VAV2: variants seen among roughly 807,000 people sequenced by gnomAD.
VAV2 encodes guanine nucleotide exchange factor VAV2.
Under a neutral mutation model 132.5 loss-of-function variants are expected in VAV2, and 67 were observed. The ratio of observed to expected loss-of-function variants is 0.51; its 90% CI spans 0.42 to 0.62. The LOEUF (loss-of-function observed/expected upper bound fraction) is 0.62, where lower values mean the gene tolerates loss of function less well. Among genes scored for constraint, VAV2 ranks in the 20% least tolerant of loss-of-function variants. VAV2 has a pLI of 0.00. For missense variants in VAV2, 938 were observed against 1,153.6 expected (o/e 0.81, Z 2.71); for synonymous variants, 492 against 443.5 (o/e 1.11, Z -1.37).
At chr9:133,940,695 G>A (rs1383942662) in intron 1 of VAV2, among the ~76,000 whole-genome samples, 2 of 150,942 alleles carry the variant, frequency 1.3e-5, no homozygotes, top group Non-Finnish European at 2.9e-5. Context: ...GTGTGTGTGT[G>A]TGTGTGTGTG....
At chr9:133,975,697 C>G (rs1390261796) in intron 1 of VAV2, among the ~76,000 whole-genome samples, 3 of 152,222 alleles carry the variant, frequency 2.0e-5, no homozygotes, top group Non-Finnish European at 4.4e-5. Context: ...GCTGCTCACC[C>G]AAGAACACAG....
At chr9:133,916,626 C>A (rs949628853) in intron 2 of VAV2, among the ~76,000 whole-genome samples, 8 of 151,996 alleles carry the variant, frequency 5.3e-5, no homozygotes, top group Admixed American at 1.3e-4. Context: ...AGAGAAGAGC[C>A]GGGAGTGCCT....
At chr9:133,973,220 A>T (rs1842397889) in intron 1 of VAV2, among the ~76,000 whole-genome samples, 1 of 152,168 alleles carries the variant, frequency 6.6e-6, no homozygotes, top group Non-Finnish European at 1.5e-5. Flanking sequence ...TCTGTCTGGC[A>T]TCTGGCCCGC....
At position 133,918,924 on chromosome 9, in the gene VAV2, C is replaced by T. The variant is rs1037499472; in HGVS notation, c.321+20179G>A. On this transcript the variant is annotated intron_variant, in intron 2 of 29. Transcript: ENST00000371850. This position sits in a 1 kb window ranked among gnomAD's most constrained non-coding sequence, Gnocchi z 4.7. ...CCAAGTAGCTGGGATTACAGGCGTG[C>T]ACCACCACACCAGGCTAATTTTGTA... 4.6e-5 allele frequency among the ~76,000 whole-genome samples: 7 copies of T among 152,028 alleles called. No individual in the cohort carries two copies. The highest frequency in any genetic ancestry group is 8.8e-5 in the Non-Finnish European group (6 of 67,990).
intron 2 of VAV2, among the ~76,000 whole-genome samples, chr9:133,921,651 A>C (rs1285723115): frequency 6.6e-6 from 1 of 152,226 alleles, no homozygotes; most frequent in East Asian, 1.9e-4. Context: ...ATAAGGGGTT[A>C]ATATCCACAA....
Position 133,918,407 on chromosome 9 carries a change from C to T in VAV2, c.321+20696G>A, listed in dbSNP as rs1041799959. Among the ~76,000 whole-genome samples, 7 of 151,142 alleles carry T rather than the reference C, an allele frequency of 4.6e-5. No homozygotes were observed. The East Asian group carries it at 7.8e-4, about 17-fold the overall frequency. On this transcript the variant is annotated intron_variant, in intron 2 of 29. Transcript: ENST00000371850. The surrounding 1 kb of genome is among the most constrained non-coding windows in gnomAD (Gnocchi z 4.7). ...AGCTGCTAGCCCGGGCTACCACCAC[C>T]ACCAGGAAACACTCAGAAACCCAGG...
chr9:133,830,037 G>A (rs529333073), intron 4 of VAV2, among the ~76,000 whole-genome samples: 1 of 152,290 alleles, frequency 6.6e-6, no homozygotes, highest in African/African-American at 2.4e-5. Flanking sequence ...TCGTGTGAAT[G>A]AATGAAAGCA....
At chr9:133,786,219 G>GTGTGCACC (rs1564344796) in intron 16 of VAV2, among the ~76,000 whole-genome samples, 2 of 152,220 alleles carry the variant, frequency 1.3e-5, no homozygotes, top group Non-Finnish European at 2.9e-5. Context: ...GTGTCTATGC[G>GTGTGCACC]TGTGCACCTG....
chr9:133,949,762 AG>A (rs1214415578), intron 1 of VAV2, among the ~76,000 whole-genome samples: 5 of 152,208 alleles, frequency 3.3e-5, no homozygotes, highest in African/African-American at 1.2e-4. Context: ...GCACGCAGGC[AG>A]CCCTGGGTCC....
chr9:133,808,938 G>T, intron 7 of VAV2, 102 bp downstream of exon 7: 1 of 1,068,226 alleles, frequency 9.4e-7, no homozygotes, highest in Non-Finnish European at 1.4e-6. Context: ...TGTCAGAGAG[G>T]CCCTATGGCC....
Position 133,897,627 on chromosome 9 carries a change from T to A in VAV2, c.322-36195A>T, listed in dbSNP as rs557143081. ...ACCTCCGCAGCAACACAGGCCCCCC[T>A]CTGGGTGGCCAAAAGGTGTGGCTCT... On this transcript the variant is annotated intron_variant, in intron 2 of 29. Coordinates refer to ENST00000371850, the MANE Select transcript of VAV2 (RefSeq NM_001134398.2). Among the ~76,000 whole-genome samples, 8 of 152,116 alleles carry A rather than the reference T, an allele frequency of 5.3e-5. No homozygotes were observed. In the East Asian group the frequency reaches 1.4e-3, roughly 26 times the overall value.
chr9:133,919,224 A>G lies in VAV2; in HGVS notation c.321+19879T>C, dbSNP rs1840211209. The stretch of plus-strand genomic sequence containing the variant: ...CTGGCACCTCTGACACTCCCCAACC[A>G]CTGAAAGGTAAAATCACAACTGCCT... On this transcript the variant is annotated intron_variant, in intron 2 of 29. Transcript: ENST00000371850. This position sits in a 1 kb window ranked among gnomAD's most constrained non-coding sequence, Gnocchi z 5.8. 6.6e-6 allele frequency among the ~76,000 whole-genome samples: 1 copy of G among 151,828 alleles called. No homozygotes were observed. The highest frequency in any genetic ancestry group is 1.5e-5 in the Non-Finnish European group (1 of 67,936).
rs1014724278 is a variant in VAV2, at chr9:133,991,626, C to A, written c.204+449G>T. 6.6e-6 allele frequency among the ~76,000 whole-genome samples: 1 copy of A among 151,428 alleles called. No homozygotes were observed. The highest frequency in any genetic ancestry group is 1.5e-5 in the Non-Finnish European group (1 of 67,812). On this transcript the variant is annotated intron_variant, in intron 1 of 29. Transcript: ENST00000371850. The surrounding 1 kb of genome is among the most constrained non-coding windows in gnomAD (Gnocchi z 4.8). ...CCCCTCCCGGGCCCTCCAGCCGCGC[C>A]CCGGGCCGGCGCAGCGACCGCGCCC...
intron 1 of VAV2, among the ~76,000 whole-genome samples, chr9:133,964,479 T>G (rs1842084119): frequency 6.6e-6 from 1 of 152,172 alleles, no homozygotes; most frequent in Non-Finnish European, 1.5e-5. Flanking sequence ...CTTTTTATAA[T>G]GGATGTCATA....
At chr9:133,817,476 A>G (rs80356344) in intron 4 of VAV2, among the ~76,000 whole-genome samples, 1,656 of 152,300 alleles carry the variant, frequency 0.011, 41 homozygotes, top group South Asian at 0.061. Context: ...AATATGGTGA[A>G]ACCCCATCTC....
chr9:133,839,037 T>A (rs978265955), intron 3 of VAV2, among the ~76,000 whole-genome samples: 5 of 150,100 alleles, frequency 3.3e-5, no homozygotes, highest in African/African-American at 4.9e-5. Context: ...GGTGGATGGA[T>A]GAAAAGATGC....
rs1045189707 is a variant in VAV2 at position 133,768,173 on chromosome 9, C to CG, written c.2589+268dup. Among the ~76,000 whole-genome samples the CG allele has an allele frequency of 9.2e-5, 14 of 152,038 alleles. No homozygotes were observed. Among genetic ancestry groups the CG allele is most frequent in the Admixed American group, 3.9e-4 (6 of 15,262 alleles). On this transcript the variant is annotated intron_variant, in intron 29 of 29. Transcript: ENST00000371850. This position sits in a 1 kb window ranked among gnomAD's most constrained non-coding sequence, Gnocchi z 5.3. ...GCCCAGAATAAAAATGGAACAGGGT[C>CG]GGGGGGTTCCTAGGAGCCTGGATCC...
intron 1 of VAV2, among the ~76,000 whole-genome samples, chr9:133,958,754 A>G (rs557349582): frequency 1.3e-5 from 2 of 152,336 alleles, no homozygotes; most frequent in Admixed American, 1.3e-4. Flanking sequence ...GGAGCCAACA[A>G]GGATGCTGCA....
At chr9:133,842,463 G>A (rs910627935) in intron 3 of VAV2, among the ~76,000 whole-genome samples, 9 of 152,262 alleles carry the variant, frequency 5.9e-5, no homozygotes, top group Non-Finnish European at 1.2e-4. Flanking sequence ...GAGGCCAGGT[G>A]CGGCCAGCCC....
Sources: allele counts gnomAD v4.1 joint callset (sites outside exome capture counted in the v4.1 genomes callset), GRCh38; gene constraint gnomAD v4.1.1; non-coding constraint Gnocchi (gnomAD v3.1); transcripts MANE v1.5; gene names NCBI Gene and HGNC (gene_info 2026-07-23, HGNC 2026-07-21).